PPIG: variants seen among roughly 807,000 people sequenced by gnomAD.
The protein encoded by PPIG is peptidyl-prolyl cis-trans isomerase G.
A neutral mutation model predicts 87.9 loss-of-function variants in PPIG; 26 were observed. That is an observed-to-expected ratio of 0.30 (90% confidence interval 0.22 to 0.41). PPIG has a LOEUF of 0.41. PPIG is among the 10% of genes least tolerant of loss of function. The pLI is 1.00. For missense variants in PPIG, 722 were observed against 879.4 expected, an observed-to-expected ratio of 0.82 and a Z score of 2.26; for synonymous variants, 308 against 276.5, an observed-to-expected ratio of 1.11 and a Z score of -1.13.
chr2:169,602,608 G>A (rs1051584757), intron 1 of PPIG, among the ~76,000 whole-genome samples: 7 of 152,074 alleles, frequency 4.6e-5, no homozygotes, highest in Admixed American at 2.0e-4. Flanking sequence ...CACCGCACCC[G>A]GCCCAAAATT....
At chr2:169,627,150 T>G (rs148631754) in intron 9 of PPIG, among the ~76,000 whole-genome samples, 3,600 of 151,656 alleles carry the variant, frequency 0.024, 137 homozygotes, top group African/African-American at 0.081. Context: ...CCAGGCTGGA[T>G]TGCAGTGGTG....
chr2:169,598,577 C>G (rs1472739621), intron 1 of PPIG, among the ~76,000 whole-genome samples: 1 of 152,126 alleles, frequency 6.6e-6, no homozygotes, highest in African/African-American at 2.4e-5. Context: ...AGGCATGAGC[C>G]ACCGCGCCTG....
chr2:169,596,632 C>T (rs1056500936), intron 1 of PPIG, among the ~76,000 whole-genome samples: 3 of 152,204 alleles, frequency 2.0e-5, no homozygotes, highest in Admixed American at 2.0e-4. Context: ...CTCCAGGAGT[C>T]ACCTAATGCA....
intron 1 of PPIG, among the ~76,000 whole-genome samples, chr2:169,589,532 ATGAT>A (rs1343973465): frequency 6.6e-6 from 1 of 152,230 alleles, no homozygotes; most frequent in Non-Finnish European, 1.5e-5. Context: ...TTTAACTTAC[ATGAT>A]TTCACTTAAG....
At position 169,584,385 on chromosome 2, in the gene PPIG, G is replaced by C. The variant is rs187582728; in HGVS notation, c.-175G>C. 1.5e-5 allele frequency: 7 copies of C among 471,052 alleles called. No homozygotes were observed. Among genetic ancestry groups the C allele is most frequent in the Middle Eastern group, 3.2e-4 (1 of 3,098 alleles). The allele number at this position is 471,052 out of a possible 1,614,324, so 29.2% of individuals were successfully genotyped here. ...TCTCTCCATGCCAGGACTGAGTTGT[G>C]GGGGAGGGAGGCGGTTAGCGGGCTT... On this transcript the variant is annotated 5_prime_UTR_variant, in exon 1 of 14. Transcript: ENST00000260970.
rs149634462 is a variant in PPIG at position 169,614,678 on chromosome 2, G to A, written c.501G>A (p.Ala167=). The A allele has an allele frequency of 3.3e-5, 54 of 1,611,996 alleles. No homozygotes were observed. The highest frequency in any genetic ancestry group is 2.3e-4 in the African/African-American group (17 of 74,836). Residue 167 remains alanine (A), a synonymous_variant, in exon 9 of 14, where the codon GCG becomes GCA. Coordinates refer to ENST00000260970, the MANE Select transcript of PPIG (RefSeq NM_004792.3). ...QKTDAASKPF[A]EVRILSCGEL... ...CAGATGCAGCTAGCAAACCGTTTGC[G>A]GAGGTACGGATACTCAGTTGTGGAG... is the stretch of plus-strand genomic sequence containing the variant.
intron 1 of PPIG, among the ~76,000 whole-genome samples, chr2:169,600,665 CAAA>C (rs1218211590): frequency 6.6e-6 from 1 of 151,420 alleles, no homozygotes; most frequent in Non-Finnish European, 1.5e-5. Context: ...CATTGAAAAA[CAAA>C]AACAAAAATA....
intron 1 of PPIG, among the ~76,000 whole-genome samples, chr2:169,589,303 T>C (rs1218194909): frequency 6.6e-6 from 1 of 152,206 alleles, no homozygotes; most frequent in African/African-American, 2.4e-5. Context: ...TGAAATAGCA[T>C]AATTGTCTGT....
chr2:169,594,625 C>CTT lies in PPIG; in HGVS notation c.-69-8997_-69-8996dup, dbSNP rs61375406. On this transcript the variant is annotated intron_variant, in intron 1 of 13. Transcript: ENST00000260970. ...CTTCTTCAGTTTTACTCTTTCTTTT[C>CTT]TTTTTTTTTTTTTTTTTTTTTGAGA... is the stretch of plus-strand genomic sequence containing the variant. 2.2e-3 allele frequency among the ~76,000 whole-genome samples: 256 copies of CTT among 114,438 alleles called. 2 individuals carry two copies. Among genetic ancestry groups the CTT allele is most frequent in the African/African-American group, 5.1e-3 (150 of 29,138 alleles). The allele number at this position is 114,438 out of a possible 152,430, so 75.1% of individuals were successfully genotyped here.
chr2:169,633,358 G>A, intron 12 of PPIG, 111 bp downstream of exon 12: 1 of 794,306 alleles, frequency 1.3e-6, no homozygotes, highest in South Asian at 1.6e-5. Flanking sequence ...AAAATTTAGG[G>A]GAGATGCAGG....
At chr2:169,621,349 T>G (rs1183759506) in intron 9 of PPIG, among the ~76,000 whole-genome samples, 1 of 152,146 alleles carries the variant, frequency 6.6e-6, no homozygotes, top group African/African-American at 2.4e-5. Context: ...TTCTTCCATG[T>G]GATGTCAAAT....
intron 7 of PPIG, among the ~76,000 whole-genome samples, chr2:169,609,272 A>C (rs1685423197): frequency 6.6e-6 from 1 of 151,940 alleles, no homozygotes; most frequent in Non-Finnish European, 1.5e-5. Context: ...GCAGTGTTGC[A>C]ATCATGGCTC....
At chr2:169,607,850 T>A (rs1024282782) in intron 6 of PPIG, among the ~76,000 whole-genome samples, 15 of 152,206 alleles carry the variant, frequency 9.9e-5, no homozygotes, top group Admixed American at 6.6e-4. Context: ...GAATCTAATC[T>A]GGACTGTCTC....
intron 1 of PPIG, among the ~76,000 whole-genome samples, chr2:169,589,005 A>G (rs1220420315): frequency 2.6e-5 from 4 of 151,652 alleles, no homozygotes; most frequent in Admixed American, 6.6e-5. Context: ...TGCAAGTACA[A>G]CATTAAGAGT....
chr2:169,614,498 ATAT>A lies in PPIG; in HGVS notation c.407+10_407+12del. Reference sequence around the variant, plus strand: ...ACCAACTCCTCATTTAGATGGGTAAATATTATTTTATTTATTTTACAACCTGTT... The same window carrying A: ...ACCAACTCCTCATTTAGATGGGTAAATATTTTATTTATTTTACAACCTGTT... On this transcript the variant is annotated splice_donor_region_variant and intron_variant, in intron 8 of 13. Transcript: ENST00000260970. 6.4e-7 allele frequency: 1 copy of A among 1,561,966 alleles called. No homozygotes were observed. The highest frequency in any genetic ancestry group is 1.8e-5 in the Admixed American group (1 of 54,474).
At chr2:169,614,368 G>A in intron 7 of PPIG, 96 bp from the exon 8 acceptor site, 1 of 1,153,656 alleles carries the variant, frequency 8.7e-7, no homozygotes, top group Non-Finnish European at 1.3e-6. Context: ...TTTCAACTTT[G>A]TTTCCAATAC....
At position 169,637,072 on chromosome 2, in the gene PPIG, G is replaced by A. The variant is rs768676045; in HGVS notation, c.1814G>A (p.Arg605Gln). The A allele has an allele frequency of 1.2e-5, 19 of 1,613,358 alleles. No homozygotes were observed. Among genetic ancestry groups the A allele is most frequent in the Middle Eastern group, 1.6e-4 (1 of 6,062 alleles). The part of the protein sequence containing the change: ...EQEYRRRGRS[R>Q]SRERRTPPGR... The stretch of plus-strand genomic sequence containing the variant: ...GAATACAGGAGAAGAGGACGGTCAC[G>A]AAGCCGAGAGAGAAGAACACCACCA... The change falls in exon 14 of 14, where the codon CGA (arginine) becomes CAA (glutamine). Residue 605 changes from arginine (R) to glutamine (Q), a missense_variant. Arg to Gln is a conservative substitution (Grantham distance 43, BLOSUM62 1). Transcript: ENST00000260970.
chr2:169,610,817 C>CT (rs1231363208), intron 7 of PPIG, among the ~76,000 whole-genome samples: 3 of 152,144 alleles, frequency 2.0e-5, no homozygotes, highest in Non-Finnish European at 4.4e-5. Context: ...CATTCTTATT[C>CT]TTTTTTGCAG....
chr2:169,609,000 C>T (rs1685412670), intron 7 of PPIG, among the ~76,000 whole-genome samples: 2 of 149,492 alleles, frequency 1.3e-5, no homozygotes, highest in Admixed American at 6.8e-5. Flanking sequence ...AGGAGAATGG[C>T]GTGAACCCGG....
Sources: gnomAD v4.1 joint callset for allele counts (sites outside exome capture counted in the v4.1 genomes callset) on GRCh38, gnomAD v4.1.1 for gene constraint, MANE v1.5 for transcripts, NCBI Gene and HGNC (gene_info 2026-07-23, HGNC 2026-07-21) for gene names.